ADSS1: variants seen among roughly 807,000 people sequenced by gnomAD.
ADSS1 encodes adenylosuccinate synthetase isozyme 1.
A neutral mutation model predicts 59.1 loss-of-function variants in ADSS1; 57 were observed. That is an observed-to-expected ratio of 0.97 (90% CI 0.78 to 1.20). ADSS1 has a LOEUF of 1.20. Ranked by LOEUF, ADSS1 falls within the 50% of genes most tolerant of loss-of-function variation. The probability of loss-of-function intolerance (pLI) is 0.00; values close to 1 mark genes in which losing one functional copy is unlikely to be tolerated. For synonymous variants in ADSS1, 247 were observed against 249.4 expected, an observed-to-expected ratio of 0.99 and a Z score of 0.09; for missense variants, 603 against 610.3, an observed-to-expected ratio of 0.99 and a Z score of 0.13.
intron 1 of ADSS1, among the ~76,000 whole-genome samples, chr14:104,733,965 T>G (rs991309645): frequency 4.6e-5 from 7 of 152,216 alleles, no homozygotes; most frequent in African/African-American, 1.7e-4. Context: ...AGAGACCTTC[T>G]GGGGCTCCCT....
intron 1 of ADSS1, among the ~76,000 whole-genome samples, chr14:104,728,696 C>T (rs1890790718): frequency 6.6e-6 from 1 of 152,206 alleles, no homozygotes; most frequent in Non-Finnish European, 1.5e-5. Context: ...AGGAGCCTCA[C>T]GGCCTCTGAA....
rs1891300046 is a variant in ADSS1, at chr14:104,740,392, A to T, written c.477-209A>T. 6.6e-6 allele frequency among the ~76,000 whole-genome samples: 1 copy of T among 152,028 alleles called. No individual in the cohort carries two copies. The highest frequency in any genetic ancestry group is 2.1e-4 in the South Asian group (1 of 4,824). On this transcript the variant is annotated intron_variant, in intron 5 of 12. Transcript: ENST00000330877. The surrounding 1 kb of genome is among the most constrained non-coding windows in gnomAD (Gnocchi z 4.8). ...ACAGCCACACATGCACACACTCCAC[A>T]TGCACACATCCACCCACAGGCACAC...
chr14:104,744,835 TC>T lies in ADSS1; in HGVS notation c.1099del (p.Leu367TrpfsTer15). The T allele has an allele frequency of 1.2e-6, 2 of 1,614,176 alleles. No individual in the cohort carries two copies. Among genetic ancestry groups the T allele is most frequent in the East Asian group, 4.5e-5 (2 of 44,884 alleles). On this transcript the variant is annotated frameshift_variant, in exon 11 of 13. Coordinates refer to ENST00000330877, the MANE Select transcript of ADSS1 (RefSeq NM_152328.5). LOFTEE classifies it high-confidence loss of function. ...AGGCTGGCCCTGACGAAGCTGGACA[TC>T]CTGGACGTACTGGGTGAGGTTAAAG... ...FTALALTKLD[I>X]LDVLGEVKVG...
chr14:104,746,266 T>G lies in ADSS1; in HGVS notation c.1202T>G (p.Val401Gly). Residue 401 changes from valine (V) to glycine (G), a missense_variant, in exon 12 of 13, where the codon GTT (valine) becomes GGT (glycine). Val to Gly is a moderately radical substitution (Grantham distance 109). Transcript: ENST00000330877. ...ANQEMLQKVE[V>G]EYETLPGWKA... The stretch of plus-strand genomic sequence containing the variant: ...CAGGAGATGCTTCAGAAGGTCGAAG[T>G]TGAGTATGAAACGCTGCCTGGGTGG... 1 of 1,612,974 alleles carries G rather than the reference T, an allele frequency of 6.2e-7. No individual in the cohort carries two copies. Among genetic ancestry groups the G allele is most frequent in the Admixed American group, 1.7e-5 (1 of 59,982 alleles).
Position 104,743,192 on chromosome 14 carries a change from G to GT in ADSS1, c.1073+2dup. On this transcript the variant is annotated splice_donor_variant, in intron 10 of 12. Transcript: ENST00000330877. LOFTEE classifies it high-confidence loss of function. ...CTCACATGGTCAACGGATTCACTGC[G>GT]TAAGCAACCCATGCTGCCATCCCCA... 6.2e-7 allele frequency: 1 copy of GT among 1,609,978 alleles called. No individual in the cohort carries two copies. Among genetic ancestry groups the GT allele is most frequent in the African/African-American group, 1.3e-5 (1 of 75,048 alleles).
At chr14:104,735,854 T>G (rs1280544974) in intron 2 of ADSS1, among the ~76,000 whole-genome samples, 1 of 152,170 alleles carries the variant, frequency 6.6e-6, no homozygotes, top group African/African-American at 2.4e-5. Flanking sequence ...AAAACCCCCT[T>G]GCTCAGAGAA....
At chr14:104,730,590 A>C (rs1338278541) in intron 1 of ADSS1, among the ~76,000 whole-genome samples, 1 of 152,062 alleles carries the variant, frequency 6.6e-6, no homozygotes, top group Non-Finnish European at 1.5e-5. Context: ...AGGTGTAGAG[A>C]GATATTTACT....
intron 1 of ADSS1, among the ~76,000 whole-genome samples, chr14:104,728,224 G>C (rs1890777347): frequency 6.6e-6 from 1 of 152,176 alleles, no homozygotes; most frequent in African/African-American, 2.4e-5. Context: ...CCTTCTGGGA[G>C]TCAGAGGGGC....
chr14:104,734,902 AC>A, intron 1 of ADSS1, 117 bp from the exon 2 acceptor site: 1 of 801,220 alleles, frequency 1.2e-6, no homozygotes, highest in Non-Finnish European at 2.1e-6. Context: ...CAAACCAGAC[AC>A]CCCAAAATCC....
Position 104,740,508 on chromosome 14 carries a change from A to C in ADSS1, c.477-93A>C, listed in dbSNP as rs942465416. The C allele has an allele frequency of 1.5e-5, 16 of 1,093,798 alleles. No homozygotes were observed. The highest frequency in any genetic ancestry group is 2.2e-5 in the Non-Finnish European group (16 of 737,064). The allele number at this position is 1,093,798 out of a possible 1,614,324, so 67.8% of individuals were successfully genotyped here. On this transcript the variant is annotated intron_variant, in intron 5 of 12. Coordinates refer to ENST00000330877, the MANE Select transcript of ADSS1 (RefSeq NM_152328.5). This position sits in a 1 kb window ranked among gnomAD's most constrained non-coding sequence, Gnocchi z 4.8. The stretch of plus-strand genomic sequence containing the variant: ...CACAGGCAGCAATGGTGGGCACTGG[A>C]GTCATGAGCCGGCGGGGGTCATGGC...
chr14:104,725,168 G>T (rs2140737178), intron 1 of ADSS1, among the ~76,000 whole-genome samples: 1 of 152,242 alleles, frequency 6.6e-6, no homozygotes. Flanking sequence ...GTCCCCCAGG[G>T]CCCAGGGCTG....
In ADSS1 at chr14:104,729,961, C is replaced by A; in HGVS notation, c.193-5059C>A. The A allele has an allele frequency of 6.3e-7, 1 of 1,588,860 alleles. No homozygotes were observed. The highest frequency in any genetic ancestry group is 8.6e-7 in the Non-Finnish European group (1 of 1,167,982). On this transcript the variant is annotated intron_variant, in intron 1 of 12. Coordinates refer to ENST00000330877, the MANE Select transcript of ADSS1 (RefSeq NM_152328.5). ...GTGGGCAGAGGCCCACGAACCTGGCCCTGACCCTCAGCTCGTCCCCAGCTC... is the reference window on the plus strand; with the variant it reads ...GTGGGCAGAGGCCCACGAACCTGGCACTGACCCTCAGCTCGTCCCCAGCTC...
Position 104,741,314 on chromosome 14 carries a change from G to A in ADSS1, c.793+71G>A, listed in dbSNP as rs567291229. The A allele has an allele frequency of 3.4e-5, 51 of 1,500,236 alleles. 1 individual carries two copies. Among genetic ancestry groups the A allele is most frequent in the South Asian group, 8.4e-5 (6 of 71,586 alleles). The allele number at this position is 1,500,236 out of a possible 1,614,324, so 92.9% of individuals were successfully genotyped here. A position where few individuals can be genotyped will look rare whatever the true frequency, so the allele number is the denominator to read the frequency against. ...AGGGAAGACCCAGCTGCGGAGAGCC[G>A]TGGGAACCGATGGGGGAGGGAGGGG... On this transcript the variant is annotated intron_variant, in intron 8 of 12. Coordinates refer to ENST00000330877, the MANE Select transcript of ADSS1 (RefSeq NM_152328.5).
At chr14:104,725,880 A>G (rs1160667407) in intron 1 of ADSS1, among the ~76,000 whole-genome samples, 1 of 151,624 alleles carries the variant, frequency 6.6e-6, no homozygotes, top group Admixed American at 6.6e-5. Flanking sequence ...GCACTTCTGC[A>G]GGGCGGGCTG....
chr14:104,737,547 C>G (rs141126584), intron 2 of ADSS1: 15 of 152,328 alleles, frequency 9.8e-5, no homozygotes, highest in Non-Finnish European at 1.8e-4. Flanking sequence ...CACATCTACG[C>G]GCAGGTTTCT....
chr14:104,742,321 C>T (rs1231524094), intron 9 of ADSS1, among the ~76,000 whole-genome samples: 2 of 152,226 alleles, frequency 1.3e-5, no homozygotes, highest in Non-Finnish European at 2.9e-5. Flanking sequence ...CTCAGGACAC[C>T]CTCATTCGGG....
chr14:104,738,971 G>A (rs769348285), intron 3 of ADSS1, among the ~76,000 whole-genome samples: 3 of 152,178 alleles, frequency 2.0e-5, no homozygotes, highest in African/African-American at 7.2e-5. Flanking sequence ...GGCACCAGGG[G>A]GTACCCAGAC....
Position 104,724,268 on chromosome 14 carries a change from A to C in ADSS1, c.-3A>C, listed in dbSNP as rs1890653708. 1 of 1,227,924 alleles carries C rather than the reference A, an allele frequency of 8.1e-7. No individual in the cohort carries two copies. Among genetic ancestry groups the C allele is most frequent in the East Asian group, 3.2e-5 (1 of 31,262 alleles). 76.1% of individuals were successfully genotyped at this position (1,227,924 alleles called of 1,614,324 possible). On this transcript the variant is annotated 5_prime_UTR_variant, in exon 1 of 13. Coordinates refer to ENST00000330877, the MANE Select transcript of ADSS1 (RefSeq NM_152328.5). ...GCCAGCGCAGCGGAAGAGCCAAGCC[A>C]GCATGTCGGGGACCCGAGCCTCCAA...
In ADSS1 at chr14:104,729,268, C is replaced by T. The variant is rs147011167; in HGVS notation, c.192+4806C>T. 3.7e-4 allele frequency among the ~76,000 whole-genome samples: 56 copies of T among 152,216 alleles called. 1 individual carries two copies. The highest frequency in any genetic ancestry group is 3.4e-3 in the Middle Eastern group (1 of 294). ...AGGTCAAAGGAGGTCAATGGACAGC[C>T]CCCAAGCCAGGCAGATGGCAGGTGG... is the stretch of plus-strand genomic sequence containing the variant. On this transcript the variant is annotated intron_variant, in intron 1 of 12. Coordinates refer to ENST00000330877, the MANE Select transcript of ADSS1 (RefSeq NM_152328.5).
Sources: allele counts gnomAD v4.1 joint callset (sites outside exome capture counted in the v4.1 genomes callset), GRCh38; gene constraint gnomAD v4.1.1; non-coding constraint Gnocchi (gnomAD v3.1); transcripts MANE v1.5; gene names NCBI Gene and HGNC (gene_info 2026-07-23, HGNC 2026-07-21).